Variants in SAFB observed in about 807,000 individuals in gnomAD.
SAFB encodes the protein scaffold attachment factor B1.
Under a neutral mutation model 101.6 loss-of-function variants are expected in SAFB, and 15 were observed. That is an observed-to-expected ratio of 0.15 (90% CI 0.10 to 0.23). The LOEUF (loss-of-function observed/expected upper bound fraction) is 0.23, where lower values mean the gene tolerates loss of function less well. Ranked by LOEUF, SAFB falls within the 10% of genes least tolerant of loss-of-function variation. The pLI is 1.00. For synonymous variants in SAFB, 449 were observed against 407.5 expected (o/e 1.10, Z -1.23); for missense variants, 930 against 1,104.1 (o/e 0.84, Z 2.23).
intron 16 of SAFB, 38 bp downstream of exon 16, chr19:5,664,197 T>C (rs779048996): frequency 9.3e-6 from 15 of 1,605,440 alleles, no homozygotes; most frequent in East Asian, 6.7e-5. Context: ...GGTTTTCTTT[T>C]TCCTGGCTCA....
At position 5,667,969 on chromosome 19, in the gene SAFB, C is replaced by G; in HGVS notation, c.2624+83C>G. The stretch of plus-strand genomic sequence containing the variant: ...CTGGAGGCTTAACAACCAAGTCCTT[C>G]CAGCTAGTGCCCCTCCCCCCAAGGG... On this transcript the variant is annotated intron_variant, in intron 20 of 20. Coordinates refer to ENST00000588852, the MANE Select transcript of SAFB (RefSeq NM_001201338.2). The surrounding 1 kb of genome is among the most constrained non-coding windows in gnomAD (Gnocchi z 4.0). 6.9e-7 allele frequency: 1 copy of G among 1,455,278 alleles called. No homozygotes were observed. Among genetic ancestry groups the G allele is most frequent in the African/African-American group, 1.4e-5 (1 of 70,948 alleles). 90.1% of individuals were successfully genotyped at this position (1,455,278 alleles called of 1,614,324 possible).
chr19:5,667,333 G>T lies in SAFB; in HGVS notation c.2454-14G>T, dbSNP rs1568285005. The T allele has an allele frequency of 6.8e-7, 1 of 1,474,180 alleles. No homozygotes were observed. Among genetic ancestry groups the T allele is most frequent in the Non-Finnish European group, 9.0e-7 (1 of 1,109,750 alleles). The allele number at this position is 1,474,180 out of a possible 1,614,324, so 91.3% of individuals were successfully genotyped here. Reference sequence around the variant, plus strand: ...GATGGGGGCAATCCAAATCAGAGATGTCTCTCTTTCAAGGGGCAGACGTGA... The same window carrying T: ...GATGGGGGCAATCCAAATCAGAGATTTCTCTCTTTCAAGGGGCAGACGTGA... On this transcript the variant is annotated splice_polypyrimidine_tract_variant and intron_variant, in intron 18 of 20. Transcript: ENST00000588852. The surrounding 1 kb of genome is among the most constrained non-coding windows in gnomAD (Gnocchi z 4.0).
At chr19:5,639,364 T>A (rs1315829265) in intron 2 of SAFB, among the ~76,000 whole-genome samples, 3 of 152,140 alleles carry the variant, frequency 2.0e-5, no homozygotes, top group Non-Finnish European at 4.4e-5. Context: ...ATAAACCACT[T>A]ACATTTTAAA....
intron 2 of SAFB, among the ~76,000 whole-genome samples, chr19:5,630,705 G>A (rs892180857): frequency 3.3e-5 from 5 of 150,292 alleles, no homozygotes; most frequent in South Asian, 2.1e-4. Context: ...GCAGTGAGCC[G>A]AGATCACGCC....
chr19:5,630,088 C>T (rs2053456373), intron 2 of SAFB, among the ~76,000 whole-genome samples: 1 of 152,198 alleles, frequency 6.6e-6, no homozygotes, highest in South Asian at 2.1e-4. Context: ...ACCCTACCAA[C>T]AATGGGTGAC....
chr19:5,628,378 G>T (rs993057649), intron 2 of SAFB, among the ~76,000 whole-genome samples: 1 of 152,138 alleles, frequency 6.6e-6, no homozygotes, highest in Admixed American at 6.5e-5. Context: ...CGGTATTTTC[G>T]TACGCATAAT....
chr19:5,658,526 C>G (rs2054117005), intron 14 of SAFB, among the ~76,000 whole-genome samples: 1 of 152,004 alleles, frequency 6.6e-6, no homozygotes, highest in Non-Finnish European at 1.5e-5. Context: ...AACGCAGTCT[C>G]TACTAAAAAT....
intron 11 of SAFB, 42 bp downstream of exon 11, chr19:5,653,462 T>TTTG (rs749462945): frequency 5.1e-6 from 8 of 1,571,552 alleles, no homozygotes; most frequent in Admixed American, 1.7e-5. Context: ...CAGGGTGTTT[T>TTTG]TTGTTGTTGT....
chr19:5,647,067 G>T (rs2053842113), intron 5 of SAFB, among the ~76,000 whole-genome samples: 2 of 152,242 alleles, frequency 1.3e-5, no homozygotes, highest in South Asian at 2.1e-4. Context: ...AACCTAGTCA[G>T]TGCCCATCAG....
chr19:5,642,868 T>C (rs1286271843), intron 4 of SAFB, among the ~76,000 whole-genome samples: 1 of 151,946 alleles, frequency 6.6e-6, no homozygotes, highest in Non-Finnish European at 1.5e-5. Flanking sequence ...GTTTTCACCA[T>C]GTTGGCCAGG....
rs1380630267 is a variant in SAFB, at chr19:5,623,261, T to C, written c.56T>C (p.Leu19Pro). 3.1e-6 allele frequency: 5 copies of C among 1,591,052 alleles called. No homozygotes were observed. The highest frequency in any genetic ancestry group is 4.3e-6 in the Non-Finnish European group (5 of 1,169,400). Residue 19 changes from leucine to proline, a missense_variant, in exon 1 of 21, where the codon CTG (leucine) becomes CCG (proline). Transcript: ENST00000588852. Reference protein sequence around the residue: ...GDSGAAGAAALSSASSETGTR... With the variant: ...GDSGAAGAAAPSSASSETGTR... ...TCTGGAGCGGCGGGCGCGGCGGCTC[T>C]GAGCTCCGCCTCGTCAGAGACCGGG...
chr19:5,664,354 G>T (rs2054283000), intron 16 of SAFB, 43 bp from the exon 17 acceptor site: 1 of 1,573,662 alleles, frequency 6.4e-7, no homozygotes. Flanking sequence ...TTGTGAACAA[G>T]CCTCTTCTTC....
At chr19:5,668,018 A>C (rs2054375833) in intron 20 of SAFB, 132 bp downstream of exon 20, 6 of 1,408,906 alleles carry the variant, frequency 4.3e-6, no homozygotes, top group Non-Finnish European at 5.8e-6. Context: ...GGCATGGGGT[A>C]CTGTGGAGGC....
Position 5,661,732 on chromosome 19 carries a change from G to T in SAFB, c.2077G>T (p.Glu693Ter). The change falls in exon 15 of 21, where the codon GAG becomes TAG. Residue 693 changes from glutamate (E) to a stop codon, truncating the protein, a stop_gained. Transcript: ENST00000588852. LOFTEE classifies it high-confidence loss of function. ...GGAGCGCATCCACCGTGAGCGCGAGGAGCTGAGGCGCCAGCAGGAACTGCG... is the reference window on the plus strand; with the variant it reads ...GGAGCGCATCCACCGTGAGCGCGAGTAGCTGAGGCGCCAGCAGGAACTGCG... The part of the protein sequence containing the change: ...EQERIHRERE[E>*]LRRQQELRYE... The T allele has an allele frequency of 6.3e-7, 1 of 1,592,692 alleles. No homozygotes were observed.
chr19:5,658,849 A>T (rs1205686673), intron 14 of SAFB, among the ~76,000 whole-genome samples: 1 of 146,392 alleles, frequency 6.8e-6, no homozygotes, highest in Non-Finnish European at 1.5e-5. Context: ...TCTCAAAAAA[A>T]AAGGGGGGGT....
At chr19:5,632,531 A>G (rs1358323816) in intron 2 of SAFB, among the ~76,000 whole-genome samples, 3 of 152,192 alleles carry the variant, frequency 2.0e-5, no homozygotes, top group Non-Finnish European at 4.4e-5. Context: ...TGTTCCAATA[A>G]TATTCTCTAT....
chr19:5,658,647 T>G (rs1199500651), intron 14 of SAFB, among the ~76,000 whole-genome samples: 4 of 136,140 alleles, frequency 2.9e-5, no homozygotes, highest in Admixed American at 1.5e-4. Context: ...ATCGAGACCA[T>G]CCTGGCTAAC....
At chr19:5,653,883 G>A (rs1408612970) in intron 11 of SAFB, among the ~76,000 whole-genome samples, 178 bp from the exon 12 acceptor site, 5 of 151,658 alleles carry the variant, frequency 3.3e-5, no homozygotes, top group African/African-American at 9.7e-5. Context: ...TCAGCCTCCC[G>A]ATTTGCTTGG....
chr19:5,652,670 C>A (rs2053965263), intron 9 of SAFB, among the ~76,000 whole-genome samples: 1 of 152,168 alleles, frequency 6.6e-6, no homozygotes, highest in African/African-American at 2.4e-5. Flanking sequence ...AATGATAGGG[C>A]AGATCTGAGT....
Sources: allele counts gnomAD v4.1 joint callset (sites outside exome capture counted in the v4.1 genomes callset), GRCh38; gene constraint gnomAD v4.1.1; non-coding constraint Gnocchi (gnomAD v3.1); transcripts MANE v1.5; gene names NCBI Gene and HGNC (gene_info 2026-07-23, HGNC 2026-07-21).